TDRD3: variants seen among roughly 807,000 people sequenced by gnomAD.
TDRD3 encodes the protein tudor domain-containing protein 3.
A neutral mutation model predicts 86.7 loss-of-function variants in TDRD3; 45 were observed. The ratio of observed to expected loss-of-function variants is 0.52; its 90% CI spans 0.41 to 0.67. TDRD3 has a LOEUF of 0.67. Among genes scored for constraint, TDRD3 ranks in the 30% least tolerant of loss-of-function variants. The probability of loss-of-function intolerance (pLI) is 0.00; values close to 1 mark genes in which losing one functional copy is unlikely to be tolerated. For synonymous variants in TDRD3, 298 were observed against 301.7 expected (o/e 0.99, Z 0.13); for missense variants, 814 against 889.0 (o/e 0.92, Z 1.07).
chr13:60,509,671 T>C (rs772740201), intron 8 of TDRD3, 92 bp from the exon 9 acceptor site: 1 of 1,471,114 alleles, frequency 6.8e-7, no homozygotes, highest in East Asian at 2.3e-5. Context: ...GTATGGGATG[T>C]AATTTTTAGT....
intron 1 of TDRD3, among the ~76,000 whole-genome samples, chr13:60,411,483 A>G (rs1165235897): frequency 2.6e-5 from 4 of 152,234 alleles, no homozygotes; most frequent in Admixed American, 6.5e-5. Context: ...AGCAGATTAA[A>G]TACGAAACTG....
intron 11 of TDRD3, among the ~76,000 whole-genome samples, chr13:60,533,268 A>G (rs1477151077): frequency 6.6e-6 from 1 of 152,194 alleles, no homozygotes; most frequent in Non-Finnish European, 1.5e-5. Flanking sequence ...TTTGAGGGTA[A>G]CTCATTTTTT....
chr13:60,488,112 T>C (rs192460832), intron 7 of TDRD3, among the ~76,000 whole-genome samples: 122 of 152,196 alleles, frequency 8.0e-4, no homozygotes, highest in Non-Finnish European at 6.6e-4. Flanking sequence ...AAAGAAGGCT[T>C]TATTTGGGTG....
intron 1 of TDRD3, among the ~76,000 whole-genome samples, chr13:60,411,888 T>G (rs1954377483): frequency 6.6e-6 from 1 of 152,152 alleles, no homozygotes; most frequent in Non-Finnish European, 1.5e-5. Flanking sequence ...AGCAGCACTT[T>G]AGGGTATTGT....
intron 11 of TDRD3, among the ~76,000 whole-genome samples, chr13:60,530,187 T>C (rs901772217): frequency 6.6e-6 from 1 of 152,210 alleles, no homozygotes; most frequent in African/African-American, 2.4e-5. Context: ...TACCATGATA[T>C]TAAGTTCCTT....
chr13:60,429,085 A>C (rs1408779557), intron 1 of TDRD3, among the ~76,000 whole-genome samples: 2 of 152,196 alleles, frequency 1.3e-5, no homozygotes, highest in Non-Finnish European at 2.9e-5. Flanking sequence ...AATGAGAATT[A>C]CTAATTCATA....
intron 10 of TDRD3, among the ~76,000 whole-genome samples, chr13:60,519,453 CAA>C (rs1475938710): frequency 6.6e-6 from 1 of 152,144 alleles, no homozygotes; most frequent in Non-Finnish European, 1.5e-5. Flanking sequence ...TGTTTATCAA[CAA>C]GAGAGCCATA....
In TDRD3 at chr13:60,534,923, G is replaced by A. The variant is rs112177649; in HGVS notation, c.1993-185G>A. On this transcript the variant is annotated intron_variant, in intron 11 of 13. Transcript: ENST00000377881. The stretch of plus-strand genomic sequence containing the variant: ...AGCCTGGGCGACAGAGCAAGACCCT[G>A]TCTCAAAAAAAAAAAAAAAAAAAAA... Among the ~76,000 whole-genome samples the A allele has an allele frequency of 3.7e-3, 431 of 116,910 alleles. 4 individuals carry two copies. Among genetic ancestry groups the A allele is most frequent in the African/African-American group, 0.014 (411 of 29,936 alleles). 76.7% of individuals were successfully genotyped at this position (116,910 alleles called of 152,430 possible).
At chr13:60,465,315 A>C (rs960728350) in intron 4 of TDRD3, among the ~76,000 whole-genome samples, 2 of 152,178 alleles carry the variant, frequency 1.3e-5, no homozygotes, top group Non-Finnish European at 2.9e-5. Flanking sequence ...TGTCAGAGTT[A>C]TGAAAATCTG....
chr13:60,530,607 A>AT (rs1566278654), intron 11 of TDRD3, among the ~76,000 whole-genome samples: 1 of 149,232 alleles, frequency 6.7e-6, no homozygotes, highest in Non-Finnish European at 1.5e-5. Context: ...TGCCCAGCTA[A>AT]TTTTTTGTAT....
At chr13:60,493,795 C>G (rs912644984) in intron 7 of TDRD3, among the ~76,000 whole-genome samples, 1 of 152,138 alleles carries the variant, frequency 6.6e-6, no homozygotes, top group East Asian at 1.9e-4. Flanking sequence ...TAATCTTTTC[C>G]TAATAGTTTT....
chr13:60,489,603 CAT>C (rs1956534887), intron 7 of TDRD3, among the ~76,000 whole-genome samples: 1 of 152,046 alleles, frequency 6.6e-6, no homozygotes, highest in South Asian at 2.1e-4. Flanking sequence ...GTACCTACTT[CAT>C]ATGTGAGAAT....
chr13:60,410,332 C>T (rs1954332327), intron 1 of TDRD3, among the ~76,000 whole-genome samples: 1 of 152,136 alleles, frequency 6.6e-6, no homozygotes, highest in South Asian at 2.1e-4. Context: ...ATCTTGCAGT[C>T]TAAGTTGTCA....
At chr13:60,547,180 G>A (rs1414691117) in intron 12 of TDRD3, 23 of 876,104 alleles carry the variant, frequency 2.6e-5, no homozygotes, top group Non-Finnish European at 3.1e-5. Flanking sequence ...CACATAAATG[G>A]CAAAGTATAA....
At chr13:60,478,917 C>T (rs1348261005) in intron 5 of TDRD3, among the ~76,000 whole-genome samples, 1 of 151,286 alleles carries the variant, frequency 6.6e-6, no homozygotes, top group African/African-American at 2.4e-5. Context: ...AATTCTCCTG[C>T]CTCAGTCTCC....
chr13:60,407,059 C>A (rs1227593591), intron 1 of TDRD3, among the ~76,000 whole-genome samples: 1 of 152,082 alleles, frequency 6.6e-6, no homozygotes, highest in African/African-American at 2.4e-5. Flanking sequence ...GAAAAACTTG[C>A]TAAATAAATT....
chr13:60,519,248 G>A (rs376816251), intron 10 of TDRD3, among the ~76,000 whole-genome samples: 14 of 152,040 alleles, frequency 9.2e-5, no homozygotes, highest in African/African-American at 3.4e-4. Context: ...CATCTGCTAT[G>A]TGCCAGGACT....
chr13:60,443,048 T>C (rs1295638729), intron 2 of TDRD3, among the ~76,000 whole-genome samples: 1 of 152,028 alleles, frequency 6.6e-6, no homozygotes, highest in Non-Finnish European at 1.5e-5. Flanking sequence ...TTCAAAATAA[T>C]GTAAATGTTT....
chr13:60,467,298 A>G lies in TDRD3; in HGVS notation c.414A>G (p.Gly138=), dbSNP rs1311850708. 3 of 1,613,864 alleles carry G rather than the reference A, an allele frequency of 1.9e-6. No homozygotes were observed. Among genetic ancestry groups the G allele is most frequent in the Admixed American group, 3.3e-5 (2 of 59,978 alleles). Residue 138 remains glycine, a synonymous_variant, in exon 5 of 14, where the codon GGA becomes GGG. Coordinates refer to ENST00000377881, the MANE Select transcript of TDRD3 (RefSeq NM_001146070.2). ...CAGGCATTGTTGACATAAAAAATGG[A>G]TTCCTGCTCTTGAATGACTCTAACA... ...KLSGIVDIKN[G]FLLLNDSNTT...
Sources: gnomAD v4.1 joint callset for allele counts (sites outside exome capture counted in the v4.1 genomes callset) on GRCh38, gnomAD v4.1.1 for gene constraint, MANE v1.5 for transcripts, NCBI Gene and HGNC (gene_info 2026-07-23, HGNC 2026-07-21) for gene names.